The following PAPPA2 variants were observed in gnomAD, a reference collection of about 807,000 sequenced individuals.
The protein encoded by PAPPA2 is pappalysin 2, also known as pappalysin-2.
PAPPA2 carries 86 observed loss-of-function variants against 176.4 expected under a neutral mutation model. That is an observed-to-expected ratio of 0.49 (90% CI 0.41 to 0.58). The LOEUF (loss-of-function observed/expected upper bound fraction) is 0.58, where lower values mean the gene tolerates loss of function less well. Ranked by LOEUF, PAPPA2 falls within the 20% of genes least tolerant of loss-of-function variation. The pLI is 0.00. For synonymous variants in PAPPA2, 809 were observed against 852.2 expected, an observed-to-expected ratio of 0.95 and a Z score of 0.88; for missense variants, 2,073 against 2,256.9, an observed-to-expected ratio of 0.92 and a Z score of 1.65.
At chr1:176,821,629 A>C (rs1189755396) in intron 21 of PAPPA2, among the ~76,000 whole-genome samples, 1 of 152,166 alleles carries the variant, frequency 6.6e-6, no homozygotes, top group Non-Finnish European at 1.5e-5. Flanking sequence ...TACACAGGGC[A>C]TGTTCTTTTC....
intron 12 of PAPPA2, among the ~76,000 whole-genome samples, chr1:176,735,730 A>G (rs1016971291): frequency 1.2e-4 from 15 of 122,654 alleles, no homozygotes; most frequent in East Asian, 2.2e-4. Context: ...CTATCTATCT[A>G]TCTATCTATC....
intron 2 of PAPPA2, 104 bp from the exon 3 acceptor site, chr1:176,594,420 A>T: frequency 1.0e-6 from 1 of 983,462 alleles, no homozygotes; most frequent in Non-Finnish European, 1.5e-6. Context: ...ATTCCCCATT[A>T]AAAACCTGCA....
At chr1:176,545,648 C>T (rs367598036) in intron 1 of PAPPA2, among the ~76,000 whole-genome samples, 2 of 152,070 alleles carry the variant, frequency 1.3e-5, no homozygotes, top group Admixed American at 6.6e-5. Flanking sequence ...ATATAAGGGA[C>T]TTGAGCATCC....
At position 176,604,689 on chromosome 1, in the gene PAPPA2, A is replaced by C. The variant is rs140885734; in HGVS notation, c.1991+9094A>C. On this transcript the variant is annotated intron_variant, in intron 3 of 22. Transcript: ENST00000367662. ...ACCCCTGCTTAAATACATATTTATC[A>C]TACCATACTGTAACTTCCCATTCTT... Among the ~76,000 whole-genome samples, 356 of 152,356 alleles carry C rather than the reference A, an allele frequency of 2.3e-3. 5 individuals carry two copies. The highest frequency in any genetic ancestry group is 8.2e-3 in the African/African-American group (341 of 41,590).
chr1:176,777,039 T>C (rs1180521444), intron 17 of PAPPA2, among the ~76,000 whole-genome samples: 2 of 152,092 alleles, frequency 1.3e-5, no homozygotes, highest in African/African-American at 4.8e-5. Context: ...AAAATGCTTT[T>C]AGTTTCAGCA....
chr1:176,731,747 A>C (rs1447583395), intron 12 of PAPPA2, among the ~76,000 whole-genome samples: 1 of 151,910 alleles, frequency 6.6e-6, no homozygotes, highest in African/African-American at 2.4e-5. Context: ...ACATGCGTAC[A>C]TATATATACG....
chr1:176,785,152 G>T (rs1418180624), intron 17 of PAPPA2, among the ~76,000 whole-genome samples: 5 of 152,156 alleles, frequency 3.3e-5, no homozygotes, highest in African/African-American at 1.2e-4. Flanking sequence ...GCCCTATGGG[G>T]AAACCAAATT....
chr1:176,679,696 A>G (rs1659486080), intron 4 of PAPPA2, among the ~76,000 whole-genome samples: 1 of 152,172 alleles, frequency 6.6e-6, no homozygotes, highest in Non-Finnish European at 1.5e-5. Flanking sequence ...AGGGGGAAAA[A>G]TAATGACCAG....
At chr1:176,662,624 T>C (rs1159169229) in intron 3 of PAPPA2, among the ~76,000 whole-genome samples, 2 of 152,070 alleles carry the variant, frequency 1.3e-5, no homozygotes, top group African/African-American at 2.4e-5. Context: ...CTAAAATCTA[T>C]ATGTGTTCTC....
At chr1:176,786,099 C>T (rs1042348100) in intron 17 of PAPPA2, among the ~76,000 whole-genome samples, 4 of 151,984 alleles carry the variant, frequency 2.6e-5, no homozygotes, top group Non-Finnish European at 4.4e-5. Flanking sequence ...AAGAGAGTCC[C>T]CGGAGGATAT....
intron 2 of PAPPA2, among the ~76,000 whole-genome samples, chr1:176,567,323 T>A (rs991932080): frequency 1.3e-5 from 2 of 152,162 alleles, no homozygotes; most frequent in African/African-American, 4.8e-5. Flanking sequence ...CTCAGAACAT[T>A]TGAAGTATTG....
rs1481503409 is a variant in PAPPA2 at position 176,796,537 on chromosome 1, C to CA, written c.5130+2870dup. ...ACCTTTAACAAGACATTTAACCAGG[C>CA]AACGGCCTTCATGGTGACTTATGAC... On this transcript the variant is annotated intron_variant, in intron 20 of 22. Coordinates refer to ENST00000367662, the MANE Select transcript of PAPPA2 (RefSeq NM_020318.3). 2.6e-5 allele frequency among the ~76,000 whole-genome samples: 4 copies of CA among 152,306 alleles called. No individual in the cohort carries two copies. The East Asian group carries it at 7.7e-4, about 29-fold the overall frequency.
intron 2 of PAPPA2, among the ~76,000 whole-genome samples, chr1:176,572,259 C>T (rs1225301791): frequency 1.3e-5 from 2 of 152,226 alleles, no homozygotes; most frequent in East Asian, 3.8e-4. Flanking sequence ...TTAGTCCTTA[C>T]TTAACCCGTG....
At chr1:176,638,249 C>G (rs956702371) in intron 3 of PAPPA2, among the ~76,000 whole-genome samples, 4 of 151,876 alleles carry the variant, frequency 2.6e-5, no homozygotes, top group African/African-American at 9.7e-5. Flanking sequence ...GCACGCCATA[C>G]CCATTAAAGA....
At chr1:176,502,101 A>G (rs773851512) in intron 1 of PAPPA2, among the ~76,000 whole-genome samples, 3 of 152,212 alleles carry the variant, frequency 2.0e-5, no homozygotes, top group Non-Finnish European at 2.9e-5. Flanking sequence ...GGAATGACCT[A>G]CTAAGCAATG....
In PAPPA2 at chr1:176,544,834, C is replaced by A. The variant is rs534733064; in HGVS notation, c.-916-10573C>A. ...GTTCAATCATTTGCTTAGAAAAGAT[C>A]ACATAATTCAGGAAAGCAGATTATT... is the stretch of plus-strand genomic sequence containing the variant. On this transcript the variant is annotated intron_variant, in intron 1 of 22. Transcript: ENST00000367662. Among the ~76,000 whole-genome samples, 75 of 152,268 alleles carry A rather than the reference C, an allele frequency of 4.9e-4. 1 individual carries two copies. The Middle Eastern group carries it at 0.01, about 21-fold the overall frequency.
intron 12 of PAPPA2, among the ~76,000 whole-genome samples, chr1:176,714,908 T>C (rs1661300957): frequency 6.6e-6 from 1 of 152,166 alleles, no homozygotes; most frequent in Non-Finnish European, 1.5e-5. Flanking sequence ...TCAAAAATTA[T>C]AGCGTCAGGG....
At position 176,793,673 on chromosome 1, in the gene PAPPA2, AG is replaced by A; in HGVS notation, c.5130+6del. 6.3e-7 allele frequency: 1 copy of A among 1,584,140 alleles called. No individual in the cohort carries two copies. Among genetic ancestry groups the A allele is most frequent in the Non-Finnish European group, 8.6e-7 (1 of 1,156,550 alleles). On this transcript the variant is annotated splice_donor_5th_base_variant and intron_variant, in intron 20 of 22. Coordinates refer to ENST00000367662, the MANE Select transcript of PAPPA2 (RefSeq NM_020318.3). Reference sequence around the variant, plus strand: ...GATGGAACCTGTCAAAGTCCAGGTGAGGAAAGGGACATTGTTATGTGCCAAA... The same window carrying A: ...GATGGAACCTGTCAAAGTCCAGGTGAGAAAGGGACATTGTTATGTGCCAAA...
intron 1 of PAPPA2, among the ~76,000 whole-genome samples, chr1:176,479,621 C>A (rs1284766022): frequency 6.6e-6 from 1 of 152,154 alleles, no homozygotes; most frequent in Non-Finnish European, 1.5e-5. Context: ...AGGGGACTGG[C>A]TTAGAGAAAT....
Sources: allele counts gnomAD v4.1 joint callset (sites outside exome capture counted in the v4.1 genomes callset), GRCh38; gene constraint gnomAD v4.1.1; transcripts MANE v1.5; gene names NCBI Gene and HGNC (gene_info 2026-07-23, HGNC 2026-07-21).